Variants in GUCY1A2 observed in about 807,000 individuals in gnomAD.
GUCY1A2 encodes the protein guanylate cyclase 1 soluble subunit alpha 2.
GUCY1A2 carries 27 observed loss-of-function variants against 63.5 expected under a neutral mutation model. The observed-to-expected ratio is 0.43, with a 90% CI of 0.31 to 0.59. GUCY1A2 has a LOEUF of 0.59. GUCY1A2 is among the 20% of genes least tolerant of loss of function. The pLI is 0.11. For missense variants in GUCY1A2, 768 were observed against 913.3 expected, an observed-to-expected ratio of 0.84 and a Z score of 2.05; for synonymous variants, 364 against 343.5, an observed-to-expected ratio of 1.06 and a Z score of -0.66.
intron 6 of GUCY1A2, among the ~76,000 whole-genome samples, chr11:106,772,697 C>T (rs1290284785): frequency 3.3e-5 from 5 of 152,084 alleles, no homozygotes; most frequent in Non-Finnish European, 7.4e-5. Flanking sequence ...TGGTTTTGTT[C>T]TCGGGTAATT....
chr11:106,706,733 T>C (rs1466210585), intron 7 of GUCY1A2, among the ~76,000 whole-genome samples: 2 of 151,600 alleles, frequency 1.3e-5, no homozygotes, highest in African/African-American at 2.4e-5. Flanking sequence ...GGAAAATAAG[T>C]ATCAATACCA....
intron 4 of GUCY1A2, among the ~76,000 whole-genome samples, chr11:106,851,774 G>A (rs1004875902): frequency 6.6e-5 from 10 of 151,878 alleles, no homozygotes; most frequent in Non-Finnish European, 5.9e-5. Context: ...ATCACACCAC[G>A]CCAGGTGGTG....
intron 4 of GUCY1A2, among the ~76,000 whole-genome samples, chr11:106,852,177 T>C (rs1859365182): frequency 2.0e-5 from 3 of 152,204 alleles, no homozygotes; most frequent in Admixed American, 2.0e-4. Flanking sequence ...GCAATTTTAC[T>C]GAACTTGTGT....
At chr11:106,872,383 A>T (rs886919130) in intron 4 of GUCY1A2, among the ~76,000 whole-genome samples, 1 of 152,194 alleles carries the variant, frequency 6.6e-6, no homozygotes, top group Non-Finnish European at 1.5e-5. Context: ...AAAGGTCACA[A>T]CATTGCTACA....
At chr11:106,706,948 A>C (rs1046154351) in intron 7 of GUCY1A2, among the ~76,000 whole-genome samples, 1 of 152,118 alleles carries the variant, frequency 6.6e-6, no homozygotes, top group Non-Finnish European at 1.5e-5. Context: ...GAAGTTTAAA[A>C]GATGCAAATC....
intron 4 of GUCY1A2, among the ~76,000 whole-genome samples, chr11:106,868,011 G>A (rs1591307930): frequency 6.6e-6 from 1 of 152,174 alleles, no homozygotes; most frequent in Middle Eastern, 3.4e-3. Flanking sequence ...TCTGGTGACA[G>A]ATATGCAGAA....
chr11:107,014,625 T>C (rs1011459321), intron 1 of GUCY1A2, among the ~76,000 whole-genome samples: 1 of 152,192 alleles, frequency 6.6e-6, no homozygotes, highest in Non-Finnish European at 1.5e-5. Flanking sequence ...AAAGTGACTA[T>C]TAAGCATCAA....
At position 106,992,571 on chromosome 11, in the gene GUCY1A2, C is replaced by G. The variant is rs543022089; in HGVS notation, c.304-6440G>C. On this transcript the variant is annotated intron_variant, in intron 1 of 7. Transcript: ENST00000526355. ...GGTCTCGATCTCCTGACCTCGTGAT[C>G]TGCCCACCTCAGCCTCCCAAAGTGC... Among the ~76,000 whole-genome samples, 9 of 152,030 alleles carry G rather than the reference C, an allele frequency of 5.9e-5. No homozygotes were observed. The South Asian group carries it at 1.7e-3, about 28-fold the overall frequency.
chr11:106,751,588 A>T (rs1305256689), intron 6 of GUCY1A2, among the ~76,000 whole-genome samples: 1 of 152,198 alleles, frequency 6.6e-6, no homozygotes, highest in Non-Finnish European at 1.5e-5. Flanking sequence ...TTAAGAGACC[A>T]CGTGCAAAAA....
chr11:106,795,457 T>G (rs1423668118), intron 5 of GUCY1A2, among the ~76,000 whole-genome samples: 1 of 152,160 alleles, frequency 6.6e-6, no homozygotes. Flanking sequence ...CAGGAAAATA[T>G]AACATTAAAA....
chr11:106,717,613 T>G (rs1392168322), intron 6 of GUCY1A2, among the ~76,000 whole-genome samples: 2 of 152,228 alleles, frequency 1.3e-5, no homozygotes, highest in Non-Finnish European at 2.9e-5. Context: ...GCCCGTAAGC[T>G]CTTCACTCAT....
intron 4 of GUCY1A2, among the ~76,000 whole-genome samples, chr11:106,891,993 C>G (rs907101874): frequency 6.6e-6 from 1 of 152,032 alleles, no homozygotes; most frequent in African/African-American, 2.4e-5. Context: ...GAAATAGCAT[C>G]TCAATGACAG....
chr11:106,689,364 TA>T (rs1377581284), intron 7 of GUCY1A2, among the ~76,000 whole-genome samples: 1 of 152,078 alleles, frequency 6.6e-6, no homozygotes, highest in Non-Finnish European at 1.5e-5. Flanking sequence ...ATTCGGTATA[TA>T]AAAAACAAGT....
intron 1 of GUCY1A2, among the ~76,000 whole-genome samples, chr11:106,991,736 T>C (rs1343587364): frequency 1.3e-5 from 2 of 152,212 alleles, no homozygotes; most frequent in Non-Finnish European, 2.9e-5. Context: ...ATGAATTTGT[T>C]AGATAAGCAA....
intron 5 of GUCY1A2, among the ~76,000 whole-genome samples, chr11:106,804,164 T>C (rs1858648130): frequency 6.6e-6 from 1 of 152,236 alleles, no homozygotes; most frequent in African/African-American, 2.4e-5. Flanking sequence ...AGTGAATGAA[T>C]GAGTTGAATA....
In GUCY1A2 at chr11:106,893,849, A is replaced by G. The variant is rs1244941020; in HGVS notation, c.1206+45611T>C. On this transcript the variant is annotated intron_variant, in intron 4 of 7. Transcript: ENST00000526355. The stretch of plus-strand genomic sequence containing the variant: ...TCGGTGTCGACAAGTCTGAGAGACT[A>G]AAAACTCCAGGGGCACCCAGTCATC... 7.9e-5 allele frequency among the ~76,000 whole-genome samples: 12 copies of G among 152,258 alleles called. No homozygotes were observed. In the South Asian group the frequency reaches 8.3e-4, roughly 11 times the overall value.
chr11:106,931,375 A>G (rs539888757), intron 4 of GUCY1A2, among the ~76,000 whole-genome samples: 1 of 152,336 alleles, frequency 6.6e-6, no homozygotes, highest in African/African-American at 2.4e-5. Context: ...TGAGTGTAAA[A>G]GCTGAACCTT....
intron 4 of GUCY1A2, among the ~76,000 whole-genome samples, chr11:106,923,876 G>C (rs1276727025): frequency 6.6e-6 from 1 of 151,864 alleles, no homozygotes; most frequent in Non-Finnish European, 1.5e-5. Context: ...AATTTTCGTG[G>C]GGTAAAAACT....
intron 3 of GUCY1A2, among the ~76,000 whole-genome samples, chr11:106,952,549 TG>T (rs1278414640): frequency 6.6e-6 from 1 of 152,136 alleles, no homozygotes; most frequent in Admixed American, 6.5e-5. Context: ...TGCCTATTAT[TG>T]GTGTAAAGGA....
Sources: allele counts gnomAD v4.1 joint callset (sites outside exome capture counted in the v4.1 genomes callset), GRCh38; gene constraint gnomAD v4.1.1; transcripts MANE v1.5; gene names NCBI Gene and HGNC (gene_info 2026-07-23, HGNC 2026-07-21).